The following PXT1 variants were observed in gnomAD, a reference collection of about 807,000 sequenced individuals.
The protein encoded by PXT1 is peroxisomal testis enriched protein 1.
PXT1 carries 11 observed loss-of-function variants against 11.0 expected under a neutral mutation model. The observed-to-expected ratio is 1.00, with a 90% CI of 0.63 to 1.66. The LOEUF (loss-of-function observed/expected upper bound fraction) is 1.66, where lower values mean the gene tolerates loss of function less well. Ranked by LOEUF, PXT1 falls within the 40% of genes most tolerant of loss-of-function variation. PXT1 has a pLI of 0.00. For synonymous variants in PXT1, 43 were observed against 51.4 expected (o/e 0.84, Z 0.70); for missense variants, 141 against 155.5 (o/e 0.91, Z 0.49).
At chr6:36,417,767 CAAA>C (rs369423691) in intron 3 of PXT1, among the ~76,000 whole-genome samples, 5 of 60,440 alleles carry the variant, frequency 8.3e-5, no homozygotes, top group Admixed American at 2.0e-4. Flanking sequence ...GATCCTGTCT[CAAA>C]AAAAAAAAAA....
chr6:36,409,092 G>T lies in PXT1; in HGVS notation c.170-8508C>A, dbSNP rs180723338. 2.1e-4 allele frequency among the ~76,000 whole-genome samples: 32 copies of T among 152,200 alleles called. 1 individual carries two copies. The highest frequency in any genetic ancestry group is 1.1e-3 in the Admixed American group (17 of 15,268). ...TAATATTTTATTTTCTCACGTAGTGGTCATCCATTTATACTCCTGATTTTG... is the reference window on the plus strand; with the variant it reads ...TAATATTTTATTTTCTCACGTAGTGTTCATCCATTTATACTCCTGATTTTG... On this transcript the variant is annotated intron_variant, in intron 3 of 4. Transcript: ENST00000454782.
In PXT1 at chr6:36,392,888, G is replaced by A. The variant is rs542217706; in HGVS notation, c.301-1014C>T. 5.3e-5 allele frequency among the ~76,000 whole-genome samples: 8 copies of A among 152,016 alleles called. No homozygotes were observed. In the South Asian group the frequency reaches 1.7e-3, roughly 32 times the overall value. On this transcript the variant is annotated intron_variant, in intron 4 of 4. Coordinates refer to ENST00000454782, the MANE Select transcript of PXT1 (RefSeq NM_152990.4). ...GCGGCTTCTCTGCTCAGTGCCCTCC[G>A]ATGGCACCACCTCACTTAGAAAAAA...
chr6:36,437,944 C>G (rs1774791977), intron 2 of PXT1, among the ~76,000 whole-genome samples: 1 of 150,508 alleles, frequency 6.6e-6, no homozygotes, highest in Non-Finnish European at 1.5e-5. Context: ...CTCAGCCTCC[C>G]GAGTAGCTGG....
intron 4 of PXT1, 95 bp downstream of exon 4, chr6:36,400,359 A>G: frequency 7.1e-7 from 1 of 1,414,756 alleles, no homozygotes; most frequent in Non-Finnish European, 9.8e-7. Context: ...ATTAATTCTG[A>G]TAATTCCTGG....
chr6:36,435,759 A>T (rs1009805716), intron 2 of PXT1, among the ~76,000 whole-genome samples: 2 of 152,174 alleles, frequency 1.3e-5, no homozygotes, highest in African/African-American at 4.8e-5. Context: ...TTAAGAACAA[A>T]CTTGATGGCA....
At chr6:36,426,832 A>ATG (rs1276424834) in intron 2 of PXT1, among the ~76,000 whole-genome samples, 1 of 52,152 alleles carries the variant, frequency 1.9e-5, no homozygotes, top group African/African-American at 1.6e-4. Context: ...CTATTTCCTC[A>ATG]TGTGTGTGTG....
At chr6:36,402,646 A>G (rs1307422481) in intron 3 of PXT1, among the ~76,000 whole-genome samples, 1 of 152,220 alleles carries the variant, frequency 6.6e-6, no homozygotes, top group Non-Finnish European at 1.5e-5. Flanking sequence ...AGAGAGTGCA[A>G]ACAGGACATT....
chr6:36,435,845 C>T lies in PXT1; in HGVS notation c.-10+2922G>A, dbSNP rs143879841. ...TTTTCCAATCTAGACTGTACACCTA[C>T]TCACACTAACAAACAAGTAAGACTA... is the stretch of plus-strand genomic sequence containing the variant. On this transcript the variant is annotated intron_variant, in intron 2 of 4. Transcript: ENST00000454782. 3.5e-3 allele frequency among the ~76,000 whole-genome samples: 530 copies of T among 152,214 alleles called. 1 individual carries two copies. Among genetic ancestry groups the T allele is most frequent in the African/African-American group, 0.012 (504 of 41,538 alleles).
intron 3 of PXT1, among the ~76,000 whole-genome samples, chr6:36,415,038 C>T (rs9296181): frequency 0.47 from 71,089 of 152,034 alleles, 17,131 homozygotes; most frequent in Middle Eastern, 0.58. Flanking sequence ...TAATTCTTAA[C>T]AATCTTTGGT....
chr6:36,440,034 G>A (rs1483875390), intron 1 of PXT1, among the ~76,000 whole-genome samples: 1 of 152,152 alleles, frequency 6.6e-6, no homozygotes, highest in East Asian at 1.9e-4. Context: ...GGAGGTTGAG[G>A]TTGCAGTGAG....
chr6:36,406,770 C>T (rs372628038), intron 3 of PXT1, among the ~76,000 whole-genome samples: 82 of 150,240 alleles, frequency 5.5e-4, no homozygotes, highest in African/African-American at 1.7e-3. Flanking sequence ...AAGATGGCAC[C>T]ACTGTACTCT....
At chr6:36,398,695 T>A (rs1351159891) in intron 4 of PXT1, among the ~76,000 whole-genome samples, 1 of 152,132 alleles carries the variant, frequency 6.6e-6, no homozygotes, top group Non-Finnish European at 1.5e-5. Flanking sequence ...CAAAGTAGAT[T>A]GGTGGGGCTG....
chr6:36,438,009 G>C lies in PXT1; in HGVS notation c.-10+758C>G, dbSNP rs542713622. 3.3e-5 allele frequency among the ~76,000 whole-genome samples: 5 copies of C among 151,190 alleles called. No individual in the cohort carries two copies. In the South Asian group the frequency reaches 1.0e-3, roughly 32 times the overall value. ...TAATTTTTGTATTTTTAGTAGAGAC[G>C]GGGTTTCACCATGTTGATCAGGCTG... On this transcript the variant is annotated intron_variant, in intron 2 of 4. Transcript: ENST00000454782.
Position 36,397,224 on chromosome 6 carries a change from T to C in PXT1, c.300+3230A>G, listed in dbSNP as rs150592685. 2.0e-3 allele frequency among the ~76,000 whole-genome samples: 297 copies of C among 152,146 alleles called. 4 individuals carry two copies. Among genetic ancestry groups the C allele is most frequent in the Admixed American group, 3.7e-3 (56 of 15,286 alleles). On this transcript the variant is annotated intron_variant, in intron 4 of 4. Coordinates refer to ENST00000454782, the MANE Select transcript of PXT1 (RefSeq NM_152990.4). ...GCCACAGAGGTTTCCGGCCAGAAAATTGACACCCCAAAGATCCCATAACAC... is the reference window on the plus strand; with the variant it reads ...GCCACAGAGGTTTCCGGCCAGAAAACTGACACCCCAAAGATCCCATAACAC...
intron 3 of PXT1, among the ~76,000 whole-genome samples, chr6:36,413,788 G>C (rs11758073): frequency 6.6e-6 from 1 of 152,166 alleles, no homozygotes; most frequent in African/African-American, 2.4e-5. Flanking sequence ...CTTGAGCCCA[G>C]GAGTTTGAGA....
At chr6:36,436,205 G>T (rs1309636541) in intron 2 of PXT1, among the ~76,000 whole-genome samples, 2 of 150,564 alleles carry the variant, frequency 1.3e-5, no homozygotes, top group Admixed American at 6.6e-5. Flanking sequence ...GCCAAATCCT[G>T]CAGGGCTTTA....
intron 3 of PXT1, among the ~76,000 whole-genome samples, chr6:36,413,107 A>G (rs1269040507): frequency 6.6e-6 from 1 of 152,172 alleles, no homozygotes; most frequent in African/African-American, 2.4e-5. Flanking sequence ...CCAGAAATAA[A>G]GGGCACAAAC....
chr6:36,421,808 T>G (rs1178497806), intron 3 of PXT1, among the ~76,000 whole-genome samples: 1 of 152,182 alleles, frequency 6.6e-6, no homozygotes, highest in African/African-American at 2.4e-5. Flanking sequence ...TCAAAGCCCT[T>G]GGAATGTATT....
At chr6:36,437,630 C>T (rs1415197808) in intron 2 of PXT1, among the ~76,000 whole-genome samples, 1 of 149,910 alleles carries the variant, frequency 6.7e-6, no homozygotes, top group Non-Finnish European at 1.5e-5. Flanking sequence ...TCTCCTGCCT[C>T]AGCCTCCTGA....
Sources: allele counts gnomAD v4.1 joint callset (sites outside exome capture counted in the v4.1 genomes callset), GRCh38; gene constraint gnomAD v4.1.1; transcripts MANE v1.5; gene names NCBI Gene and HGNC (gene_info 2026-07-23, HGNC 2026-07-21).